The following GRM3 variants were observed in gnomAD, a reference collection of about 807,000 sequenced individuals.
GRM3 encodes glutamate metabotropic receptor 3.
In GRM3, 26 loss-of-function variants were observed where a neutral mutation model predicts 70.5. The observed-to-expected ratio is 0.37, with a 90% CI of 0.27 to 0.51. GRM3 has a LOEUF of 0.51. Among genes scored for constraint, GRM3 ranks in the 20% least tolerant of loss-of-function variants. The pLI is 0.93. For synonymous variants in GRM3, 443 were observed against 434.9 expected (o/e 1.02, Z -0.23); for missense variants, 859 against 1,123.8 (o/e 0.76, Z 3.37).
chr7:86,760,415 C>T (rs565411141), intron 1 of GRM3, among the ~76,000 whole-genome samples: 127 of 152,172 alleles, frequency 8.3e-4, no homozygotes, highest in African/African-American at 1.8e-3. Flanking sequence ...TTACAGTTGA[C>T]GCATCACTCA....
intron 4 of GRM3, among the ~76,000 whole-genome samples, chr7:86,842,411 C>G (rs960126901): frequency 6.6e-6 from 1 of 152,114 alleles, no homozygotes; most frequent in African/African-American, 2.4e-5. Context: ...AGTGCTCACC[C>G]CTGAAGACAG....
At chr7:86,660,835 A>G (rs537725866) in intron 1 of GRM3, among the ~76,000 whole-genome samples, 2 of 152,054 alleles carry the variant, frequency 1.3e-5, no homozygotes, top group South Asian at 4.1e-4. Flanking sequence ...GTTAATGTTG[A>G]CTTCTTGATC....
chr7:86,725,055 C>G (rs1346860373), intron 1 of GRM3, among the ~76,000 whole-genome samples: 1 of 151,960 alleles, frequency 6.6e-6, no homozygotes, highest in Non-Finnish European at 1.5e-5. Context: ...ACACTTCTTA[C>G]TATTACCAGG....
intron 1 of GRM3, among the ~76,000 whole-genome samples, chr7:86,676,460 T>C (rs1365441929): frequency 6.6e-6 from 1 of 151,926 alleles, no homozygotes; most frequent in Non-Finnish European, 1.5e-5. Flanking sequence ...GAAAAATACA[T>C]CCTCAAATTA....
intron 1 of GRM3, among the ~76,000 whole-genome samples, chr7:86,735,486 T>G (rs1427848827): frequency 6.6e-6 from 1 of 152,234 alleles, no homozygotes; most frequent in Non-Finnish European, 1.5e-5. Flanking sequence ...AAATATTTGC[T>G]AATATGCATG....
intron 1 of GRM3, among the ~76,000 whole-genome samples, chr7:86,645,483 A>C (rs1405446926): frequency 6.6e-6 from 1 of 152,168 alleles, no homozygotes; most frequent in Non-Finnish European, 1.5e-5. Context: ...ATATCTTTTC[A>C]TCGACCCTGT....
chr7:86,714,263 A>C lies in GRM3; in HGVS notation c.-140-50743A>C, dbSNP rs561445644. ...CCTCTAAGGAGACCAGGACTGACCC[A>C]ATTTCATGTGATGTAACTATACACT... On this transcript the variant is annotated intron_variant, in intron 1 of 5. Coordinates refer to ENST00000361669, the MANE Select transcript of GRM3 (RefSeq NM_000840.3). Among the ~76,000 whole-genome samples, 15 of 152,132 alleles carry C rather than the reference A, an allele frequency of 9.9e-5. No individual in the cohort carries two copies. In the South Asian group the frequency reaches 3.1e-3, roughly 32 times the overall value.
intron 1 of GRM3, among the ~76,000 whole-genome samples, chr7:86,688,433 T>C (rs1332130381): frequency 1.3e-5 from 2 of 151,708 alleles, no homozygotes; most frequent in Non-Finnish European, 3.0e-5. Flanking sequence ...GTTAAGTCCA[T>C]AGCAAGCTAT....
At chr7:86,768,345 G>A (rs1340743037) in intron 2 of GRM3, among the ~76,000 whole-genome samples, 2 of 152,172 alleles carry the variant, frequency 1.3e-5, no homozygotes, top group Non-Finnish European at 2.9e-5. Flanking sequence ...TGAAGTCATT[G>A]CTGGTTTCCC....
intron 4 of GRM3, among the ~76,000 whole-genome samples, chr7:86,845,407 T>C (rs935723285): frequency 1.3e-5 from 2 of 152,182 alleles, no homozygotes; most frequent in Non-Finnish European, 2.9e-5. Context: ...ATTGTCTTGA[T>C]TAATGCATTT....
intron 2 of GRM3, among the ~76,000 whole-genome samples, chr7:86,779,729 G>A (rs1263599581): frequency 2.0e-5 from 3 of 152,186 alleles, no homozygotes; most frequent in Non-Finnish European, 4.4e-5. Context: ...CCTTAGAGAA[G>A]AAGCCCTTGA....
At position 86,864,449 on chromosome 7, in the gene GRM3, C is replaced by A; in HGVS notation, c.*94C>A. 1.2e-6 allele frequency: 1 copy of A among 864,332 alleles called. No individual in the cohort carries two copies. The highest frequency in any genetic ancestry group is 2.0e-6 in the Non-Finnish European group (1 of 496,848). The allele number at this position is 864,332 out of a possible 1,614,324, so 53.5% of individuals were successfully genotyped here. On this transcript the variant is annotated 3_prime_UTR_variant, in exon 6 of 6. Transcript: ENST00000361669. ...ATATGGAAACAGAGCAAAAGAACAA[C>A]CCTAGTACCTTTTTTTAGAAACAGT...
At chr7:86,748,093 A>T (rs1383192476) in intron 1 of GRM3, among the ~76,000 whole-genome samples, 1 of 152,042 alleles carries the variant, frequency 6.6e-6, no homozygotes, top group Non-Finnish European at 1.5e-5. Context: ...TTCACCTGGC[A>T]GGAGACAGCC....
At chr7:86,697,111 A>G (rs1054256285) in intron 1 of GRM3, among the ~76,000 whole-genome samples, 5 of 152,168 alleles carry the variant, frequency 3.3e-5, no homozygotes, top group African/African-American at 1.2e-4. Context: ...CTGCCTACAT[A>G]GAGAAGGAGA....
At chr7:86,850,258 G>C in intron 4 of GRM3, 112 bp from the exon 5 acceptor site, 2 of 684,218 alleles carry the variant, frequency 2.9e-6, no homozygotes, top group Non-Finnish European at 5.2e-6. Context: ...AATAAGGACA[G>C]AGCTGTCAAT....
At chr7:86,771,896 C>T (rs551566012) in intron 2 of GRM3, among the ~76,000 whole-genome samples, 2 of 152,178 alleles carry the variant, frequency 1.3e-5, no homozygotes, top group East Asian at 3.9e-4. Context: ...GATGTCTGCA[C>T]AGTCTTTCAT....
At chr7:86,837,431 C>G (rs192926679) in intron 3 of GRM3, among the ~76,000 whole-genome samples, 1,584 of 152,294 alleles carry the variant, frequency 0.01, 10 homozygotes, top group Non-Finnish European at 0.016. Flanking sequence ...ACAGCCAATA[C>G]TCACAGGGTC....
intron 1 of GRM3, among the ~76,000 whole-genome samples, chr7:86,671,329 G>A (rs527370044): frequency 6.6e-6 from 1 of 152,290 alleles, no homozygotes; most frequent in African/African-American, 2.4e-5. Flanking sequence ...CTCTAATATG[G>A]TTTAGATGTT....
At chr7:86,841,659 A>G (rs536125607) in intron 4 of GRM3, among the ~76,000 whole-genome samples, 140 of 152,292 alleles carry the variant, frequency 9.2e-4, no homozygotes, top group Admixed American at 1.5e-3. Flanking sequence ...GAAACTCTTC[A>G]TTCTCAAAAG....
Sources: allele counts gnomAD v4.1 joint callset (sites outside exome capture counted in the v4.1 genomes callset), GRCh38; gene constraint gnomAD v4.1.1; transcripts MANE v1.5; gene names NCBI Gene and HGNC (gene_info 2026-07-23, HGNC 2026-07-21).